LHFPL3: variants seen among roughly 807,000 people sequenced by gnomAD.
LHFPL3 encodes LHFPL tetraspan subfamily member 3.
Under a neutral mutation model 19.3 loss-of-function variants are expected in LHFPL3, and 5 were observed. The observed-to-expected ratio is 0.26, with a 90% CI of 0.14 to 0.54. The LOEUF is 0.54. Ranked by LOEUF, LHFPL3 falls within the 20% of genes least tolerant of loss-of-function variation. LHFPL3 has a pLI of 0.94. For missense variants in LHFPL3, 249 were observed against 307.4 expected (o/e 0.81, Z 1.42); for synonymous variants, 133 against 126.2 (o/e 1.05, Z -0.36).
chr7:104,336,875 A>C (rs1466787422), intron 1 of LHFPL3, among the ~76,000 whole-genome samples: 2 of 151,866 alleles, frequency 1.3e-5, no homozygotes. Context: ...GTAGATCTGA[A>C]AAGAGGCCCT....
intron 1 of LHFPL3, among the ~76,000 whole-genome samples, chr7:104,515,558 A>G (rs116866658): frequency 1.3e-5 from 2 of 152,222 alleles, no homozygotes; most frequent in East Asian, 3.9e-4. Flanking sequence ...TCCAAGTTGT[A>G]TTATTTTTTG....
At chr7:104,551,987 G>T (rs1794669797) in intron 1 of LHFPL3, among the ~76,000 whole-genome samples, 1 of 152,292 alleles carries the variant, frequency 6.6e-6, no homozygotes, top group Middle Eastern at 3.4e-3. Context: ...GCCTGCTTCT[G>T]TGGAGGACTA....
At position 104,389,644 on chromosome 7, in the gene LHFPL3, G is replaced by C. The variant is rs147529372; in HGVS notation, c.445+60420G>C. ...AAAGCTACATTATTTAAGACAGTGTGGTTCTGACATAAGGATAGACATATA... is the reference window on the plus strand; with the variant it reads ...AAAGCTACATTATTTAAGACAGTGTCGTTCTGACATAAGGATAGACATATA... On this transcript the variant is annotated intron_variant, in intron 1 of 2. Transcript: ENST00000424859. Among the ~76,000 whole-genome samples, 293 of 152,252 alleles carry C rather than the reference G, an allele frequency of 1.9e-3. 1 individual carries two copies. The highest frequency in any genetic ancestry group is 6.7e-3 in the African/African-American group (277 of 41,562).
intron 1 of LHFPL3, chr7:104,669,546 T>C: frequency 6.2e-7 from 1 of 1,611,718 alleles, no homozygotes; most frequent in Non-Finnish European, 8.5e-7. Flanking sequence ...ATGGTGAAGA[T>C]GAAAATGAGG....
intron 2 of LHFPL3, among the ~76,000 whole-genome samples, chr7:104,856,382 C>T (rs1791507397): frequency 1.3e-5 from 2 of 151,074 alleles, no homozygotes; most frequent in African/African-American, 4.9e-5. Flanking sequence ...CCCGAGTAGC[C>T]GGGATTACAG....
chr7:104,522,964 A>C (rs537416980), intron 1 of LHFPL3, among the ~76,000 whole-genome samples: 23 of 137,756 alleles, frequency 1.7e-4, no homozygotes, highest in African/African-American at 2.7e-4. Context: ...CTCTCTCTCT[A>C]TATATATCTG....
At chr7:104,530,147 G>A (rs931190631) in intron 1 of LHFPL3, among the ~76,000 whole-genome samples, 1 of 152,180 alleles carries the variant, frequency 6.6e-6, no homozygotes, top group Non-Finnish European at 1.5e-5. Flanking sequence ...TGATAGGACT[G>A]ACTAATCATC....
rs779348307 is a variant in LHFPL3 at position 104,328,788 on chromosome 7, A to AGCCGCCGCCGCTGCC, written c.21_35dup (p.Ala10_Ala14dup). 5.0e-6 allele frequency: 8 copies of AGCCGCCGCCGCTGCC among 1,593,194 alleles called. No homozygotes were observed. The highest frequency in any genetic ancestry group is 3.5e-5 in the Admixed American group (2 of 57,224). The stretch of plus-strand genomic sequence containing the variant: ...GGAGGAGGAGGGGGAGAATGCCCGG[A>AGCCGCCGCCGCTGCC]GCCGCCGCCGCTGCCGCCGCCGCCG... On this transcript the variant is annotated inframe_insertion, in exon 1 of 3. Transcript: ENST00000424859. The surrounding 1 kb of genome is among the most constrained non-coding windows in gnomAD (Gnocchi z 4.6).
At chr7:104,898,543 C>A (rs10237433) in intron 2 of LHFPL3, among the ~76,000 whole-genome samples, 24,137 of 152,128 alleles carry the variant, frequency 0.16, 4,318 homozygotes, top group East Asian at 0.48. Flanking sequence ...CAAGGCACCT[C>A]CCAAAGTTAG....
At chr7:104,663,122 T>G (rs993699526) in intron 1 of LHFPL3, among the ~76,000 whole-genome samples, 1 of 152,216 alleles carries the variant, frequency 6.6e-6, no homozygotes, top group African/African-American at 2.4e-5. Context: ...GACTACAAAC[T>G]TAAGAACTTG....
At chr7:104,421,290 C>T (rs1055414183) in intron 1 of LHFPL3, among the ~76,000 whole-genome samples, 10 of 152,074 alleles carry the variant, frequency 6.6e-5, no homozygotes, top group African/African-American at 2.2e-4. Context: ...GAAAAAAAGA[C>T]AAGGTATAGG....
At chr7:104,596,009 T>G (rs753864712) in intron 1 of LHFPL3, among the ~76,000 whole-genome samples, 5 of 152,214 alleles carry the variant, frequency 3.3e-5, no homozygotes, top group Non-Finnish European at 7.4e-5. Flanking sequence ...CAACCCCTTG[T>G]GCTTCCCGGG....
chr7:104,805,898 G>A (rs1459987459), intron 2 of LHFPL3, among the ~76,000 whole-genome samples: 1 of 152,116 alleles, frequency 6.6e-6, no homozygotes, highest in African/African-American at 2.4e-5. Context: ...CTGAACCCTG[G>A]GCTCTCTTCC....
At chr7:104,851,625 G>A (rs1791416382) in intron 2 of LHFPL3, among the ~76,000 whole-genome samples, 1 of 152,118 alleles carries the variant, frequency 6.6e-6, no homozygotes, top group Admixed American at 6.5e-5. Flanking sequence ...CCTCAACACA[G>A]CTCTGGGCCT....
chr7:104,350,280 G>C (rs1300582929), intron 1 of LHFPL3, among the ~76,000 whole-genome samples: 1 of 152,168 alleles, frequency 6.6e-6, no homozygotes, highest in Non-Finnish European at 1.5e-5. Flanking sequence ...ACTGTATTGG[G>C]AGTGTAGAAC....
chr7:104,725,180 G>A (rs1793566586), intron 1 of LHFPL3, among the ~76,000 whole-genome samples: 1 of 151,178 alleles, frequency 6.6e-6, no homozygotes, highest in South Asian at 2.1e-4. Flanking sequence ...TTCTACCTCT[G>A]TTTTTTTTTA....
chr7:104,571,033 G>A (rs1005299796), intron 1 of LHFPL3, among the ~76,000 whole-genome samples: 1 of 152,020 alleles, frequency 6.6e-6, no homozygotes, highest in African/African-American at 2.4e-5. Context: ...GAGCTTTTTT[G>A]GAGAACCCAG....
intron 1 of LHFPL3, among the ~76,000 whole-genome samples, chr7:104,567,073 C>T (rs1334205131): frequency 6.6e-6 from 1 of 152,156 alleles, no homozygotes; most frequent in Non-Finnish European, 1.5e-5. Context: ...TTTTCCATAG[C>T]TTGAATACAA....
chr7:104,519,100 G>T (rs1010001810), intron 1 of LHFPL3, among the ~76,000 whole-genome samples: 6 of 151,986 alleles, frequency 3.9e-5, no homozygotes, highest in Non-Finnish European at 8.8e-5. Flanking sequence ...CTCTCAATCT[G>T]ACATACTAAA....
Sources: gnomAD v4.1 joint callset for allele counts (sites outside exome capture counted in the v4.1 genomes callset) on GRCh38, gnomAD v4.1.1 for gene constraint, Gnocchi (gnomAD v3.1) non-coding constraint, MANE v1.5 for transcripts, NCBI Gene and HGNC (gene_info 2026-07-23, HGNC 2026-07-21) for gene names.